The following CD44 variants were observed in gnomAD, a reference collection of about 807,000 sequenced individuals.
CD44 encodes CD44 molecule (IN blood group).
Under a neutral mutation model 88.8 loss-of-function variants are expected in CD44, and 49 were observed. The observed-to-expected ratio is 0.55, with a 90% CI of 0.44 to 0.70. The LOEUF (loss-of-function observed/expected upper bound fraction) is 0.70, where lower values mean the gene tolerates loss of function less well. Ranked by LOEUF, CD44 falls within the 30% of genes least tolerant of loss-of-function variation. The pLI, the probability that CD44 is intolerant of heterozygous loss-of-function variation, is 0.00. For synonymous variants in CD44, 325 were observed against 312.3 expected, an observed-to-expected ratio of 1.04 and a Z score of -0.43; for missense variants, 883 against 913.8, an observed-to-expected ratio of 0.97 and a Z score of 0.43.
chr11:35,186,319 C>T (rs978815214), intron 3 of CD44, among the ~76,000 whole-genome samples: 2 of 152,190 alleles, frequency 1.3e-5, no homozygotes, highest in African/African-American at 4.8e-5. Flanking sequence ...GATTGTCATG[C>T]TGTTCATGTT....
intron 1 of CD44, among the ~76,000 whole-genome samples, chr11:35,140,594 A>C (rs1232337488): frequency 1.3e-5 from 2 of 152,182 alleles, no homozygotes; most frequent in Non-Finnish European, 2.9e-5. Context: ...AAGTGACCCT[A>C]GGTGGAGGCT....
intron 17 of CD44, chr11:35,222,417 T>A: frequency 7.7e-7 from 1 of 1,297,388 alleles, no homozygotes; most frequent in Non-Finnish European, 1.0e-6. Context: ...CACTGTTTCA[T>A]CGTCTTCTTG....
At chr11:35,223,859 C>T (rs1365119007) in intron 17 of CD44, among the ~76,000 whole-genome samples, 1 of 152,154 alleles carries the variant, frequency 6.6e-6, no homozygotes, top group East Asian at 1.9e-4. Context: ...GAAAGAGATA[C>T]AGAATCCTAT....
intron 1 of CD44, among the ~76,000 whole-genome samples, chr11:35,161,769 A>T (rs1436675843): frequency 6.6e-6 from 1 of 152,170 alleles, no homozygotes; most frequent in Non-Finnish European, 1.5e-5. Context: ...AATTCTAAGG[A>T]CATCTTCTTA....
chr11:35,206,255 T>A lies in CD44; in HGVS notation c.1414+12T>A. ...AGGAAGAAGGATGGGTAATAGCCTC[T>A]GAGATTTTTATATATTATGTTTTTT... On this transcript the variant is annotated intron_variant, in intron 11 of 17. Coordinates refer to ENST00000428726, the MANE Select transcript of CD44 (RefSeq NM_000610.4). 1.3e-6 allele frequency: 2 copies of A among 1,585,326 alleles called. No homozygotes were observed. The highest frequency in any genetic ancestry group is 1.7e-6 in the Non-Finnish European group (2 of 1,169,836).
chr11:35,224,871 T>C (rs910596436), intron 17 of CD44, among the ~76,000 whole-genome samples: 2 of 152,192 alleles, frequency 1.3e-5, no homozygotes, highest in Non-Finnish European at 2.9e-5. Context: ...ATAATCGTCT[T>C]TTCTATAAAC....
At chr11:35,185,074 A>G (rs1007757451) in intron 3 of CD44, among the ~76,000 whole-genome samples, 3 of 152,196 alleles carry the variant, frequency 2.0e-5, no homozygotes, top group Non-Finnish European at 2.9e-5. Flanking sequence ...GAAGGCAGAG[A>G]TTGAGAGAAG....
chr11:35,154,694 G>A (rs555967372), intron 1 of CD44, among the ~76,000 whole-genome samples: 2 of 152,224 alleles, frequency 1.3e-5, no homozygotes, highest in East Asian at 3.9e-4. Flanking sequence ...TGGAGTTATA[G>A]GTATCATGAT....
chr11:35,219,244 T>C (rs1264288292), intron 15 of CD44, 72 bp from the exon 16 acceptor site: 1 of 1,116,262 alleles, frequency 9.0e-7, no homozygotes, highest in Non-Finnish European at 1.4e-6. Context: ...AGCTGCCCTT[T>C]ATGCAGCTCC....
intron 1 of CD44, among the ~76,000 whole-genome samples, chr11:35,160,886 G>T (rs1456580013): frequency 6.6e-6 from 1 of 152,180 alleles, no homozygotes. Context: ...ATCCTCCTTA[G>T]AATGGTGTTT....
At chr11:35,215,871 C>CTTTGGTGA (rs1565150162) in intron 15 of CD44, among the ~76,000 whole-genome samples, 6 of 148,404 alleles carry the variant, frequency 4.0e-5, no homozygotes, top group Admixed American at 1.4e-4. Flanking sequence ...GACTCTGTCT[C>CTTTGGTGA]AAAAAAAACC....
rs138651933 is a variant in CD44, at chr11:35,145,846, C to A, written c.67+6476C>A. ...GGGCAATTATCAAGCTGTCATCTGA[C>A]CAGATACTACCATAGCTTCTTCGGG... On this transcript the variant is annotated intron_variant, in intron 1 of 17. Coordinates refer to ENST00000428726, the MANE Select transcript of CD44 (RefSeq NM_000610.4). 2.4e-4 allele frequency among the ~76,000 whole-genome samples: 36 copies of A among 152,296 alleles called. No individual in the cohort carries two copies. In the East Asian group the frequency reaches 6.6e-3, roughly 28 times the overall value.
intron 16 of CD44, 25 bp from the exon 17 acceptor site, chr11:35,221,629 A>G: frequency 1.3e-6 from 2 of 1,595,304 alleles, no homozygotes; most frequent in East Asian, 4.5e-5. Context: ...AAGCTCACGC[A>G]TGTCATTTAA....
chr11:35,215,609 C>T (rs963191848), intron 15 of CD44, among the ~76,000 whole-genome samples: 9 of 152,136 alleles, frequency 5.9e-5, no homozygotes, highest in Admixed American at 3.3e-4. Context: ...ATCGGCCAGG[C>T]ACGGTGGCTC....
chr11:35,208,056 G>A (rs1948048888), intron 11 of CD44, 49 bp from the exon 12 acceptor site: 1 of 1,126,896 alleles, frequency 8.9e-7, no homozygotes. Flanking sequence ...GCCACCTTCA[G>A]GTAGTGGTTT....
chr11:35,167,940 G>A (rs761107439), intron 1 of CD44, among the ~76,000 whole-genome samples: 13 of 152,228 alleles, frequency 8.5e-5, no homozygotes, highest in Admixed American at 3.9e-4. Flanking sequence ...ATTCCCAAGA[G>A]TATGATGGGA....
At chr11:35,150,786 G>A (rs1289968376) in intron 1 of CD44, among the ~76,000 whole-genome samples, 4 of 152,324 alleles carry the variant, frequency 2.6e-5, no homozygotes, top group Non-Finnish European at 5.9e-5. Context: ...AGCCAGGAGA[G>A]CTTCTCCCTC....
At chr11:35,221,306 C>G (rs995487711) in intron 16 of CD44, among the ~76,000 whole-genome samples, 5 of 152,100 alleles carry the variant, frequency 3.3e-5, no homozygotes. Flanking sequence ...AAAAATGTTC[C>G]TTTCAAAAGA....
At chr11:35,168,574 A>T (rs919882324) in intron 1 of CD44, among the ~76,000 whole-genome samples, 1 of 152,202 alleles carries the variant, frequency 6.6e-6, no homozygotes, top group Non-Finnish European at 1.5e-5. Context: ...CTTTATTCTC[A>T]TCTTCATGAT....
Sources: gnomAD v4.1 joint callset for allele counts (sites outside exome capture counted in the v4.1 genomes callset) on GRCh38, gnomAD v4.1.1 for gene constraint, MANE v1.5 for transcripts, NCBI Gene and HGNC (gene_info 2026-07-23, HGNC 2026-07-21) for gene names.